Variants in KLKB1 observed in about 807,000 individuals in gnomAD.
The protein encoded by KLKB1 is kallikrein B1.
In KLKB1, 58 loss-of-function variants were observed where a neutral mutation model predicts 73.6. The ratio of observed to expected loss-of-function variants is 0.79; its 90% CI spans 0.64 to 0.98. The LOEUF (loss-of-function observed/expected upper bound fraction) is 0.98, where lower values mean the gene tolerates loss of function less well. KLKB1 is among the 50% of genes least tolerant of loss of function. The pLI is 0.00. For synonymous variants in KLKB1, 280 were observed against 258.1 expected (o/e 1.08, Z -0.81); for missense variants, 737 against 763.8 (o/e 0.96, Z 0.41).
chr4:186,254,907 G>C, intron 12 of KLKB1, 144 bp downstream of exon 12: 1 of 685,706 alleles, frequency 1.5e-6, no homozygotes, highest in Non-Finnish European at 2.5e-6. Flanking sequence ...TTGCTGGGAA[G>C]TGAAGACCCC....
intron 3 of KLKB1, 96 bp downstream of exon 3, chr4:186,232,385 A>G (rs1737443186): frequency 8.5e-7 from 1 of 1,182,804 alleles, no homozygotes; most frequent in African/African-American, 1.5e-5. Context: ...TCTTCCTCAC[A>G]CGGGGTTCAA....
At chr4:186,240,829 C>T (rs1177634679) in intron 6 of KLKB1, among the ~76,000 whole-genome samples, 2 of 152,114 alleles carry the variant, frequency 1.3e-5, no homozygotes, top group Non-Finnish European at 2.9e-5. Context: ...TTGAAGGCTG[C>T]CAGGAGGCAG....
rs2126679168 is a variant in KLKB1, at chr4:186,256,057, G to A, written c.1555G>A (p.Val519Ile). 1 of 1,612,122 alleles carries A rather than the reference G, an allele frequency of 6.2e-7. No individual in the cohort carries two copies. Among genetic ancestry groups the A allele is most frequent in the Non-Finnish European group, 8.5e-7 (1 of 1,178,216 alleles). The change falls in exon 13 of 15, where the codon GTA (valine) becomes ATA (isoleucine). Residue 519 changes from valine to isoleucine, a missense_variant. By Grantham distance (29) the Val-to-Ile change is conservative. Coordinates refer to ENST00000264690, the MANE Select transcript of KLKB1 (RefSeq NM_000892.5). ...AAGCACAATTTATACCAACTGTTGG[G>A]TAACCGGATGGGGCTTCTCGAAGGA... ...DTSTIYTNCW[V>I]TGWGFSKEKG...
chr4:186,242,009 A>C (rs4253262), intron 6 of KLKB1, among the ~76,000 whole-genome samples: 1 of 151,722 alleles, frequency 6.6e-6, no homozygotes, highest in Non-Finnish European at 1.5e-5. Context: ...GTGAGCAAGA[A>C]AGCTTTTTAA....
chr4:186,241,284 C>G (rs1738036738), intron 6 of KLKB1, among the ~76,000 whole-genome samples: 2 of 152,040 alleles, frequency 1.3e-5, no homozygotes, highest in African/African-American at 4.8e-5. Context: ...AAGGATTTTC[C>G]TAATTTTACA....
chr4:186,238,281 C>A lies in KLKB1; in HGVS notation c.514C>A (p.Pro172Thr), dbSNP rs759434563. ...GAACAATTGCCTATTAAAGTACAGT[C>A]CCGGAGGAACACCTACCGCTATAAA... ...YRNNCLLKYSPGGTPTAIKVL... is the reference protein window; with the variant it reads ...YRNNCLLKYSTGGTPTAIKVL... Residue 172 changes from proline (P) to threonine (T), a missense_variant, in exon 6 of 15, where the codon CCC becomes ACC. Coordinates refer to ENST00000264690, the MANE Select transcript of KLKB1 (RefSeq NM_000892.5). 6 of 1,613,190 alleles carry A rather than the reference C, an allele frequency of 3.7e-6. No individual in the cohort carries two copies. Among genetic ancestry groups the A allele is most frequent in the Non-Finnish European group, 5.1e-6 (6 of 1,179,196 alleles).
At chr4:186,251,159 G>T in intron 7 of KLKB1, 60 bp from the exon 8 acceptor site, 1 of 1,098,168 alleles carries the variant, frequency 9.1e-7, no homozygotes, top group Non-Finnish European at 1.4e-6. Context: ...TTTTGTATTT[G>T]CCTAATGCCT....
chr4:186,233,952 G>A lies in KLKB1; in HGVS notation c.222G>A (p.Arg74=). The A allele has an allele frequency of 6.2e-7, 1 of 1,609,018 alleles. No homozygotes were observed. Residue 74 remains arginine, a splice_region_variant and synonymous_variant, in exon 4 of 15, where the codon AGG becomes AGA. Transcript: ENST00000264690. The stretch of plus-strand genomic sequence containing the variant: ...CTAAGTAAAGCTACTTTTAAAATAG[G>A]TTTGGTTGCTTCTTGAAAGATAGTG... ...PASSINDMEK[R]FGCFLKDSVT...
rs138717531 is a variant in KLKB1 at position 186,248,595 on chromosome 4, A to ATTTTTTTTTTTTT, written c.599-1641_599-1629dup. 5.2e-5 allele frequency among the ~76,000 whole-genome samples: 6 copies of ATTTTTTTTTTTTT among 114,908 alleles called. 1 individual carries two copies. Among genetic ancestry groups the ATTTTTTTTTTTTT allele is most frequent in the African/African-American group, 2.1e-4 (6 of 28,008 alleles). The allele number at this position is 114,908 out of a possible 152,430, so 75.4% of individuals were successfully genotyped here. A position where few individuals can be genotyped will look rare whatever the true frequency, so the allele number is the denominator to read the frequency against. ...TGATGAACATTTGAGTTGTTTCTGGATTTTTTTTTTTTTTTTTTTGCCTCT... is the reference window on the plus strand; with the variant it reads ...TGATGAACATTTGAGTTGTTTCTGGATTTTTTTTTTTTTTTTTTTTTTTTTTTTTTTTGCCTCT... On this transcript the variant is annotated intron_variant, in intron 6 of 14. Transcript: ENST00000264690.
At chr4:186,241,211 A>G (rs544782956) in intron 6 of KLKB1, among the ~76,000 whole-genome samples, 1 of 152,206 alleles carries the variant, frequency 6.6e-6, no homozygotes, top group South Asian at 2.1e-4. Flanking sequence ...TAACTGCCCA[A>G]ATGAGATTCA....
chr4:186,257,427 T>C, intron 14 of KLKB1, 62 bp downstream of exon 14: 1 of 1,442,898 alleles, frequency 6.9e-7, no homozygotes, highest in Non-Finnish European at 9.4e-7. Context: ...TCAAAATATA[T>C]TTTCCAATAG....
At chr4:186,237,331 T>C (rs1737749114) in intron 5 of KLKB1, among the ~76,000 whole-genome samples, 1 of 152,122 alleles carries the variant, frequency 6.6e-6, no homozygotes, top group Non-Finnish European at 1.5e-5. Flanking sequence ...ACTCCTGATC[T>C]TGTGATCCAC....
intron 2 of KLKB1, chr4:186,213,295 C>T (rs947848102): frequency 6.6e-6 from 1 of 152,174 alleles, no homozygotes; most frequent in African/African-American, 2.4e-5. Context: ...CATTACCTTT[C>T]CTCTGCCTGA....
chr4:186,233,806 T>C lies in KLKB1; in HGVS notation c.222-146T>C, dbSNP rs150031215. ...TTATGGGGTGTTATAAAATTAGCTC[T>C]AAGAGTGTTCTTTCCAGCAAGTATT... On this transcript the variant is annotated intron_variant, in intron 3 of 14. Coordinates refer to ENST00000264690, the MANE Select transcript of KLKB1 (RefSeq NM_000892.5). The C allele has an allele frequency of 1.7e-3, 1,107 of 663,764 alleles. 12 individuals are homozygous for C. Among genetic ancestry groups the C allele is most frequent in the Middle Eastern group, 0.01 (26 of 2,550 alleles). The allele number at this position is 663,764 out of a possible 1,614,324, so 41.1% of individuals were successfully genotyped here.
chr4:186,247,337 G>A (rs957786507), intron 6 of KLKB1, among the ~76,000 whole-genome samples: 3 of 152,000 alleles, frequency 2.0e-5, no homozygotes, highest in Non-Finnish European at 4.4e-5. Context: ...GGAGATAGGG[G>A]TGGGGACGTT....
chr4:186,252,435 C>T (rs1284987419), intron 11 of KLKB1, among the ~76,000 whole-genome samples: 1 of 151,914 alleles, frequency 6.6e-6, no homozygotes, highest in Non-Finnish European at 1.5e-5. Context: ...AAGACAGTAC[C>T]CCACTCCTCC....
intron 6 of KLKB1, among the ~76,000 whole-genome samples, chr4:186,240,895 C>T (rs924530030): frequency 6.6e-6 from 1 of 152,190 alleles, no homozygotes; most frequent in Non-Finnish European, 1.5e-5. Context: ...GAAGGATTTG[C>T]TGCACTTACC....
At chr4:186,224,347 A>G (rs1171069624), upstream of KLKB1, among the ~76,000 whole-genome samples, 1 of 152,148 alleles carries the variant, frequency 6.6e-6, no homozygotes, top group Non-Finnish European at 1.5e-5. Flanking sequence ...AGATCCACTG[A>G]CTGGAAAGTT....
chr4:186,222,577 T>C (rs1171029359), upstream of KLKB1, among the ~76,000 whole-genome samples: 4 of 152,234 alleles, frequency 2.6e-5, no homozygotes, highest in East Asian at 7.7e-4. Flanking sequence ...ATTCATGCCA[T>C]AGTTTATATC....
Sources: gnomAD v4.1 joint callset for allele counts (sites outside exome capture counted in the v4.1 genomes callset) on GRCh38, gnomAD v4.1.1 for gene constraint, MANE v1.5 for transcripts, NCBI Gene and HGNC (gene_info 2026-07-23, HGNC 2026-07-21) for gene names.